Variants in COL4A6 observed in about 807,000 individuals in gnomAD.
COL4A6 encodes collagen type IV alpha 6 chain.
COL4A6 carries 59 observed loss-of-function variants against 126.7 expected under a neutral mutation model. The observed-to-expected ratio is 0.47, with a 90% CI of 0.38 to 0.58. The LOEUF (loss-of-function observed/expected upper bound fraction) is 0.58, where lower values mean the gene tolerates loss of function less well. Ranked by LOEUF, COL4A6 falls within the 20% of genes least tolerant of loss-of-function variation. The pLI, the probability that COL4A6 is intolerant of heterozygous loss-of-function variation, is 0.00. For missense variants in COL4A6, 1,285 were observed against 1,337.3 expected (o/e 0.96, Z 0.61); for synonymous variants, 547 against 496.6 (o/e 1.10, Z -1.35).
At chrX:108,289,687 T>G (rs1476730447) in intron 3 of COL4A6, among the ~76,000 whole-genome samples, 2 of 111,536 alleles carry the variant, frequency 1.8e-5, no homozygotes, top group Non-Finnish European at 3.8e-5. Flanking sequence ...TAAGTTGTCC[T>G]ACTCTCTGCA....
At chrX:108,274,800 A>C (rs1457183176) in intron 3 of COL4A6, among the ~76,000 whole-genome samples, 1 of 111,644 alleles carries the variant, frequency 9.0e-6, no homozygotes, top group Non-Finnish European at 1.9e-5. Flanking sequence ...TCCCAGCCAC[A>C]TGGCCCTCTC....
At chrX:108,173,021 G>A (rs1360328621) in intron 31 of COL4A6, among the ~76,000 whole-genome samples, 1 of 112,624 alleles carries the variant, frequency 8.9e-6, no homozygotes, top group Non-Finnish European at 1.9e-5. Flanking sequence ...TGCAGGTGCT[G>A]GAGTCTGAAT....
intron 3 of COL4A6, among the ~76,000 whole-genome samples, chrX:108,283,680 G>A (rs1484618460): frequency 9.0e-6 from 1 of 110,815 alleles, no homozygotes; most frequent in Non-Finnish European, 1.9e-5. Flanking sequence ...GATCATGTGA[G>A]ATCTGACATC....
At chrX:108,184,142 T>A (rs896277043) in intron 23 of COL4A6, among the ~76,000 whole-genome samples, 1 of 112,348 alleles carries the variant, frequency 8.9e-6, no homozygotes, top group African/African-American at 3.2e-5. Flanking sequence ...AGGAATAGCA[T>A]CTTAGTTTTT....
At chrX:108,436,814 A>G (rs1360711272) in intron 2 of COL4A6, among the ~76,000 whole-genome samples, 1 of 112,120 alleles carries the variant, frequency 8.9e-6, no homozygotes, top group Non-Finnish European at 1.9e-5. Context: ...GTATTTTCTT[A>G]AAGACATCAT....
At chrX:108,181,960 A>G (rs760652157) in intron 23 of COL4A6, among the ~76,000 whole-genome samples, 5 of 112,597 alleles carry the variant, frequency 4.4e-5, no homozygotes, top group Admixed American at 9.4e-5. Context: ...CACAAATTAC[A>G]TTTCTGAAAA....
intron 3 of COL4A6, among the ~76,000 whole-genome samples, chrX:108,257,176 G>T (rs762052282): frequency 1.8e-5 from 2 of 111,917 alleles, no homozygotes; most frequent in African/African-American, 3.2e-5. Context: ...GAACTGACCG[G>T]GTTTTGAGGA....
chrX:108,197,690 T>C (rs1475479255), intron 13 of COL4A6, among the ~76,000 whole-genome samples: 1 of 109,847 alleles, frequency 9.1e-6, no homozygotes, highest in African/African-American at 3.3e-5. Flanking sequence ...GGGCCCAGGG[T>C]TTTTCATTTC....
intron 41 of COL4A6, 60 bp from the exon 42 acceptor site, chrX:108,161,795 C>T (rs2033949612): frequency 1.3e-6 from 1 of 776,911 alleles, no homozygotes; most frequent in Non-Finnish European, 1.9e-6. Context: ...GGCACCTTCC[C>T]CAGGAAAGGG....
chrX:108,209,284 T>C (rs966654862), intron 8 of COL4A6, among the ~76,000 whole-genome samples: 2 of 112,141 alleles, frequency 1.8e-5, no homozygotes, highest in African/African-American at 3.2e-5. Flanking sequence ...TATCCTTAAG[T>C]GAATGGCATC....
rs2034433535 is a variant in COL4A6 at position 108,174,991 on chromosome X, T to C, written c.2956+99A>G. 3.9e-6 allele frequency: 4 copies of C among 1,031,356 alleles called. No homozygotes were observed. The South Asian group carries it at 8.0e-5, about 21-fold the overall frequency. 85.0% of individuals were successfully genotyped at this position (1,031,356 alleles called of 1,213,427 possible). A position where few individuals can be genotyped will look rare whatever the true frequency, so the allele number is the denominator to read the frequency against. The stretch of plus-strand genomic sequence containing the variant: ...CACACTGCTGCTCTGAGGTTGGCGA[T>C]GGGGGGCTGTACTTGAGGGCCTTTG... On this transcript the variant is annotated intron_variant, in intron 30 of 44. Transcript: ENST00000334504.
At chrX:108,161,419 C>G (rs1046585968) in intron 42 of COL4A6, among the ~76,000 whole-genome samples, 200 bp downstream of exon 42, 1 of 111,484 alleles carries the variant, frequency 9.0e-6, no homozygotes, top group Non-Finnish European at 1.9e-5. Context: ...CCTTCCAGAA[C>G]GTAGGGTATC....
Position 108,188,021 on chromosome X carries a change from C to T in COL4A6, c.1594G>A (p.Val532Ile). ...AQGPAGAPGL[V>I]GPLGPSGPKG... Reference sequence around the variant, plus strand: ...GGTCCTGAAGGACCCAGAGGCCCAACTAAGCCCTGACAAAGAAAAGAGAGA... The same window carrying T: ...GGTCCTGAAGGACCCAGAGGCCCAATTAAGCCCTGACAAAGAAAAGAGAGA... The change falls in exon 22 of 45, where the codon GTT becomes ATT. Residue 532 changes from valine to isoleucine, a missense_variant. Physicochemically the swap from Val to Ile is conservative, Grantham distance 29. Coordinates refer to ENST00000334504, the MANE Select transcript of COL4A6 (RefSeq NM_033641.4). 1 of 1,186,838 alleles carries T rather than the reference C, an allele frequency of 8.4e-7. No homozygotes were observed. The highest frequency in any genetic ancestry group is 1.1e-6 in the Non-Finnish European group (1 of 879,016).
At position 108,343,161 on chromosome X, in the gene COL4A6, A is replaced by AGTG. The variant is rs1465580768; in HGVS notation, c.64-32334_64-32333insCAC. Among the ~76,000 whole-genome samples, 160 of 55,572 alleles carry AGTG rather than the reference A, an allele frequency of 2.9e-3. 1 individual carries two copies. The highest frequency in any genetic ancestry group is 0.015 in the Admixed American group (57 of 3,793). 48.3% of individuals were successfully genotyped at this position (55,572 alleles called of 115,157 possible). A position where few individuals can be genotyped will look rare whatever the true frequency, so the allele number is the denominator to read the frequency against. ...TATATATATATATATATATATATATATATAGTGTGTGTGTGTGTGTGTGTG... is the reference window on the plus strand; with the variant it reads ...TATATATATATATATATATATATATAGTGTATAGTGTGTGTGTGTGTGTGTGTG... On this transcript the variant is annotated intron_variant, in intron 2 of 44. Coordinates refer to ENST00000334504, the MANE Select transcript of COL4A6 (RefSeq NM_033641.4).
intron 2 of COL4A6, among the ~76,000 whole-genome samples, chrX:108,363,599 C>T (rs2040135612): frequency 8.9e-6 from 1 of 112,275 alleles, no homozygotes; most frequent in African/African-American, 3.2e-5. Flanking sequence ...TTCTTCACAG[C>T]TGCAAGTTTA....
rs780780926 is a variant in COL4A6, at chrX:108,173,240, G to A, written c.3139-708C>T. Among the ~76,000 whole-genome samples the A allele has an allele frequency of 1.8e-4, 20 of 111,899 alleles. 1 individual carries two copies. The South Asian group carries it at 7.1e-3, about 40-fold the overall frequency. ...TGCTTTGGGTAGGAGGCTGAGTACT[G>A]GGCTGGGTCACTGTGTGCACTGGAC... On this transcript the variant is annotated intron_variant, in intron 31 of 44. Coordinates refer to ENST00000334504, the MANE Select transcript of COL4A6 (RefSeq NM_033641.4).
At chrX:108,173,139 C>G (rs997484882) in intron 31 of COL4A6, among the ~76,000 whole-genome samples, 1 of 112,325 alleles carries the variant, frequency 8.9e-6, no homozygotes, top group Non-Finnish European at 1.9e-5. Context: ...CAGCAAAGTT[C>G]TTTTCTTGAT....
intron 3 of COL4A6, among the ~76,000 whole-genome samples, chrX:108,255,032 A>C (rs1416888378): frequency 2.8e-5 from 3 of 109,041 alleles, no homozygotes; most frequent in Non-Finnish European, 5.7e-5. Context: ...ACTCTGCCCA[A>C]GTTTTGTATA....
intron 31 of COL4A6, among the ~76,000 whole-genome samples, chrX:108,173,123 T>G (rs1318461145): frequency 2.7e-5 from 3 of 112,593 alleles, no homozygotes; most frequent in Non-Finnish European, 5.6e-5. Flanking sequence ...CCATGTCAGC[T>G]GCCATCAGCA....
Sources: allele counts gnomAD v4.1 joint callset (sites outside exome capture counted in the v4.1 genomes callset), GRCh38; gene constraint gnomAD v4.1.1; transcripts MANE v1.5; gene names NCBI Gene and HGNC (gene_info 2026-07-23, HGNC 2026-07-21).